The following GAB2 variants were observed in gnomAD, a reference collection of about 807,000 sequenced individuals.
GAB2 encodes GRB2 associated binding protein 2, also known as GRB2-associated-binding protein 2.
A neutral mutation model predicts 65.5 loss-of-function variants in GAB2; 26 were observed. That is an observed-to-expected ratio of 0.40 (90% confidence interval 0.29 to 0.55). The LOEUF (loss-of-function observed/expected upper bound fraction) is 0.55, where lower values mean the gene tolerates loss of function less well. Ranked by LOEUF, GAB2 falls within the 20% of genes least tolerant of loss-of-function variation. The probability of loss-of-function intolerance (pLI) is 0.53; values close to 1 mark genes in which losing one functional copy is unlikely to be tolerated. For missense variants in GAB2, 884 were observed against 875.8 expected, an observed-to-expected ratio of 1.01 and a Z score of -0.12; for synonymous variants, 321 against 329.6, an observed-to-expected ratio of 0.97 and a Z score of 0.28.
intron 1 of GAB2, among the ~76,000 whole-genome samples, chr11:78,315,477 A>G (rs1295286406): frequency 6.6e-6 from 1 of 152,210 alleles, no homozygotes; most frequent in African/African-American, 2.4e-5. Context: ...TCCACATGTA[A>G]AAAAACAGCT....
intron 4 of GAB2, 29 bp downstream of exon 4, chr11:78,226,434 CCT>C (rs746755609): frequency 1.1e-5 from 17 of 1,531,920 alleles, no homozygotes; most frequent in South Asian, 3.4e-5. Flanking sequence ...CCTCCTCCTC[CCT>C]CTGAGTCTCA....
chr11:78,243,524 T>C (rs1428668132), intron 3 of GAB2, among the ~76,000 whole-genome samples: 2 of 151,194 alleles, frequency 1.3e-5, no homozygotes, highest in South Asian at 2.1e-4. Context: ...ACTGACAGCA[T>C]AGAAATGCAA....
At chr11:78,317,136 G>A (rs996984503) in intron 1 of GAB2, among the ~76,000 whole-genome samples, 12 of 152,314 alleles carry the variant, frequency 7.9e-5, no homozygotes, top group African/African-American at 2.4e-4. Context: ...TTAGGCCACC[G>A]GAGGAATAGG....
At chr11:78,398,673 C>T (rs1856933210) in intron 1 of GAB2, among the ~76,000 whole-genome samples, 1 of 152,014 alleles carries the variant, frequency 6.6e-6, no homozygotes, top group Non-Finnish European at 1.5e-5. Flanking sequence ...TGGTTATAAC[C>T]ATGTAAAAAA....
At chr11:78,284,065 G>C (rs2134591931) in intron 1 of GAB2, among the ~76,000 whole-genome samples, 1 of 152,130 alleles carries the variant, frequency 6.6e-6, no homozygotes, top group East Asian at 1.9e-4. Flanking sequence ...ATATCTCCCA[G>C]ATCTGTTCTT....
rs1396001130 is a variant in GAB2 at position 78,220,305 on chromosome 11, T to A, written c.1887+14A>T. 6.2e-7 allele frequency: 1 copy of A among 1,611,848 alleles called. No individual in the cohort carries two copies. Among genetic ancestry groups the A allele is most frequent in the Non-Finnish European group, 8.5e-7 (1 of 1,179,684 alleles). ...TGAGAGCTCTTACTGCCCCCCCAAC[T>A]CTACTCCAGGCACCTTGCGGTGGGG... On this transcript the variant is annotated intron_variant, in intron 9 of 9. Transcript: ENST00000361507.
At chr11:78,256,174 C>A (rs140092549) in intron 2 of GAB2, among the ~76,000 whole-genome samples, 3 of 152,048 alleles carry the variant, frequency 2.0e-5, no homozygotes, top group African/African-American at 7.2e-5. Flanking sequence ...AATGTCCTGA[C>A]GAATGGATAA....
At chr11:78,372,268 C>T (rs755033621) in intron 1 of GAB2, among the ~76,000 whole-genome samples, 1 of 152,148 alleles carries the variant, frequency 6.6e-6, no homozygotes, top group South Asian at 2.1e-4. Flanking sequence ...TTTAAGCCTG[C>T]CAAGGATACC....
chr11:78,260,085 T>C (rs1386275004), intron 2 of GAB2, among the ~76,000 whole-genome samples: 1 of 152,132 alleles, frequency 6.6e-6, no homozygotes, highest in Non-Finnish European at 1.5e-5. Context: ...AGTTCAGAAA[T>C]ATAAGTTTCC....
chr11:78,314,717 A>C (rs1679779593), intron 1 of GAB2, among the ~76,000 whole-genome samples: 1 of 152,240 alleles, frequency 6.6e-6, no homozygotes, highest in South Asian at 2.1e-4. Flanking sequence ...CTTACTTTAA[A>C]TCCCGGAAGG....
At chr11:78,402,607 C>T (rs1322672704) in intron 1 of GAB2, among the ~76,000 whole-genome samples, 1 of 146,334 alleles carries the variant, frequency 6.8e-6, no homozygotes, top group Non-Finnish European at 1.5e-5. Context: ...AGGCACGTAC[C>T]ACCACGCCCA....
chr11:78,342,404 C>CTTTTTT lies in GAB2; in HGVS notation c.76-61509_76-61504dup, dbSNP rs143105179. Among the ~76,000 whole-genome samples the CTTTTTT allele has an allele frequency of 1.6e-4, 18 of 109,872 alleles. 1 individual carries two copies. Among genetic ancestry groups the CTTTTTT allele is most frequent in the Admixed American group, 3.1e-4 (3 of 9,734 alleles). 72.1% of individuals were successfully genotyped at this position (109,872 alleles called of 152,430 possible). ...CTCTAAACCCCTTCAACACTTTGCACTTTTTTTTTTTTTTTTTTTTTTTGA... is the reference window on the plus strand; with the variant it reads ...CTCTAAACCCCTTCAACACTTTGCACTTTTTTTTTTTTTTTTTTTTTTTTTTTTTGA... On this transcript the variant is annotated intron_variant, in intron 1 of 9. Coordinates refer to ENST00000361507, the MANE Select transcript of GAB2 (RefSeq NM_080491.3).
intron 1 of GAB2, among the ~76,000 whole-genome samples, chr11:78,351,974 A>G (rs762215550): frequency 6.0e-4 from 91 of 152,194 alleles, no homozygotes; most frequent in Non-Finnish European, 1.1e-3. Context: ...GCACTTTGGG[A>G]GGCCGAAGTG....
chr11:78,309,060 A>G (rs894833803), intron 1 of GAB2, among the ~76,000 whole-genome samples: 2 of 152,192 alleles, frequency 1.3e-5, no homozygotes, highest in Non-Finnish European at 2.9e-5. Flanking sequence ...GGGGACAGAA[A>G]AAAAGGTATT....
intron 2 of GAB2, among the ~76,000 whole-genome samples, chr11:78,257,008 AG>A (rs1865611863): frequency 6.9e-6 from 1 of 144,870 alleles, no homozygotes; most frequent in Non-Finnish European, 1.5e-5. Flanking sequence ...TCTTTTAAAC[AG>A]TTTTTTTTTT....
chr11:78,396,444 T>C (rs1399554892), intron 1 of GAB2, among the ~76,000 whole-genome samples: 1 of 152,212 alleles, frequency 6.6e-6, no homozygotes, highest in African/African-American at 2.4e-5. Context: ...ACAGTTTTTG[T>C]TTATACAAAT....
At chr11:78,261,838 T>C (rs1865743519) in intron 2 of GAB2, among the ~76,000 whole-genome samples, 2 of 152,138 alleles carry the variant, frequency 1.3e-5, no homozygotes, top group African/African-American at 2.4e-5. Context: ...TGGGAACCCA[T>C]TAGTTTTCCC....
intron 1 of GAB2, among the ~76,000 whole-genome samples, chr11:78,373,713 G>A (rs1193992894): frequency 1.3e-5 from 2 of 152,176 alleles, no homozygotes; most frequent in Admixed American, 6.5e-5. Context: ...AACCTGGCAT[G>A]ATACTGGATT....
Position 78,319,891 on chromosome 11 carries a change from C to T in GAB2, c.76-38990G>A, listed in dbSNP as rs190595233. Among the ~76,000 whole-genome samples, 8 of 149,080 alleles carry T rather than the reference C, an allele frequency of 5.4e-5. No homozygotes were observed. The East Asian group carries it at 8.0e-4, about 15-fold the overall frequency. ...ACAGACTTTTTTTTTTTTTTGAGAC[C>T]GAGTCTTGCTCTGTCACCCAGGGTG... On this transcript the variant is annotated intron_variant, in intron 1 of 9. Coordinates refer to ENST00000361507, the MANE Select transcript of GAB2 (RefSeq NM_080491.3).
Sources: allele counts gnomAD v4.1 joint callset (sites outside exome capture counted in the v4.1 genomes callset), GRCh38; gene constraint gnomAD v4.1.1; transcripts MANE v1.5; gene names NCBI Gene and HGNC (gene_info 2026-07-23, HGNC 2026-07-21).